Variants in KIF26B observed in about 807,000 individuals in gnomAD.
KIF26B encodes kinesin family member 26B.
A neutral mutation model predicts 151.2 loss-of-function variants in KIF26B; 63 were observed. That is an observed-to-expected ratio of 0.42 (90% CI 0.34 to 0.51). The LOEUF (loss-of-function observed/expected upper bound fraction) is 0.51. Ranked by LOEUF, KIF26B falls within the 20% of genes least tolerant of loss-of-function variation. The probability of loss-of-function intolerance (pLI) is 0.07; values close to 1 mark genes in which losing one functional copy is unlikely to be tolerated. For missense variants in KIF26B, 2,813 were observed against 2,913.6 expected (o/e 0.97, Z 0.79); for synonymous variants, 1,357 against 1,262.1 (o/e 1.08, Z -1.59).
intron 5 of KIF26B, among the ~76,000 whole-genome samples, chr1:245,581,612 A>C (rs1286026908): frequency 6.6e-6 from 1 of 152,184 alleles, no homozygotes; most frequent in Non-Finnish European, 1.5e-5. Flanking sequence ...AAGAGTCTAC[A>C]ACCACAGCCT....
chr1:245,677,126 C>A (rs565023078), intron 10 of KIF26B, among the ~76,000 whole-genome samples: 1 of 152,180 alleles, frequency 6.6e-6, no homozygotes, highest in African/African-American at 2.4e-5. Flanking sequence ...TGCCAACCAG[C>A]GGTCTCAGGA....
intron 2 of KIF26B, among the ~76,000 whole-genome samples, chr1:245,232,240 A>G (rs1573723198): frequency 6.6e-6 from 1 of 152,368 alleles, no homozygotes; most frequent in African/African-American, 2.4e-5. Context: ...TTTGTAAAGC[A>G]AGAGAAGGGA....
chr1:245,390,656 A>C (rs1202837395), intron 3 of KIF26B, among the ~76,000 whole-genome samples: 1 of 152,176 alleles, frequency 6.6e-6, no homozygotes. Flanking sequence ...ATACATTTTT[A>C]CTTGAAGGAA....
chr1:245,432,541 T>G lies in KIF26B; in HGVS notation c.1166+12796T>G, dbSNP rs141177339. Among the ~76,000 whole-genome samples, 15 of 152,354 alleles carry G rather than the reference T, an allele frequency of 9.8e-5. No homozygotes were observed. The East Asian group carries it at 2.9e-3, about 29-fold the overall frequency. On this transcript the variant is annotated intron_variant, in intron 4 of 14. Coordinates refer to ENST00000407071, the MANE Select transcript of KIF26B (RefSeq NM_018012.4). ...TAGGGCTCTCCATCTTTTTCCTGTC[T>G]CGCTGAAAACCCATCTTTTCTTCCC...
chr1:245,199,843 CCACCCA>C (rs1558342676), intron 2 of KIF26B, among the ~76,000 whole-genome samples: 1 of 2,398 alleles, frequency 4.2e-4, no homozygotes, highest in East Asian at 4.9e-3. Flanking sequence ...ATCCATCCAT[CCACCCA>C]TCCACTTGTT....
intron 2 of KIF26B, among the ~76,000 whole-genome samples, chr1:245,361,283 A>G (rs1672812466): frequency 6.6e-6 from 1 of 152,212 alleles, no homozygotes; most frequent in African/African-American, 2.4e-5. Context: ...TCCCTGCAGT[A>G]ATCCAGAGCA....
In KIF26B at chr1:245,227,321, T is replaced by C. The variant is rs1336111054; in HGVS notation, c.465+70638T>C. ...TTCAAGTCTATAATGTTGCTAAAAT[T>C]AGCAGTGTAACAAAACTTCCCATGT... On this transcript the variant is annotated intron_variant, in intron 2 of 14. Transcript: ENST00000407071. The surrounding 1 kb of genome is among the most constrained non-coding windows in gnomAD (Gnocchi z 4.1). 6.6e-6 allele frequency among the ~76,000 whole-genome samples: 1 copy of C among 152,192 alleles called. No homozygotes were observed. The highest frequency in any genetic ancestry group is 2.4e-5 in the African/African-American group (1 of 41,454).
In KIF26B at chr1:245,638,367, A is replaced by G. The variant is rs573565907; in HGVS notation, c.2099-7754A>G. Among the ~76,000 whole-genome samples, 6 of 152,038 alleles carry G rather than the reference A, an allele frequency of 3.9e-5. No homozygotes were observed. In the South Asian group the frequency reaches 1.2e-3, roughly 31 times the overall value. On this transcript the variant is annotated intron_variant, in intron 9 of 14. Transcript: ENST00000407071. ...TTTATTAAACTCATTTATCAGTTCT[A>G]AAAGTTTTTTGGTGGAATCTTTAGA... is the stretch of plus-strand genomic sequence containing the variant.
chr1:245,408,570 G>C (rs1674195674), intron 3 of KIF26B, among the ~76,000 whole-genome samples: 1 of 152,028 alleles, frequency 6.6e-6, no homozygotes, highest in Non-Finnish European at 1.5e-5. Flanking sequence ...GGTCAGGCTG[G>C]TCTTGAACTC....
At chr1:245,430,544 G>A (rs1025611143) in intron 4 of KIF26B, among the ~76,000 whole-genome samples, 1 of 152,102 alleles carries the variant, frequency 6.6e-6, no homozygotes, top group East Asian at 1.9e-4. Context: ...GCACATACCT[G>A]TAATCCTAGC....
intron 2 of KIF26B, among the ~76,000 whole-genome samples, chr1:245,193,333 G>A (rs75371814): frequency 0.1 from 15,793 of 152,204 alleles, 865 homozygotes; most frequent in South Asian, 0.2. Flanking sequence ...TAGTGCTGCA[G>A]TGAACATACG....
chr1:245,590,946 G>C (rs1365851309), intron 5 of KIF26B, among the ~76,000 whole-genome samples: 1 of 151,582 alleles, frequency 6.6e-6, no homozygotes, highest in Non-Finnish European at 1.5e-5. Context: ...ATGACGTTGG[G>C]CAAGTGTGGT....
intron 2 of KIF26B, among the ~76,000 whole-genome samples, chr1:245,212,824 C>T (rs1573711689): frequency 6.6e-6 from 1 of 152,254 alleles, no homozygotes; most frequent in South Asian, 2.1e-4. Flanking sequence ...ACTTAAGGAG[C>T]ACTTCATACC....
At chr1:245,263,026 A>C (rs1670676025) in intron 2 of KIF26B, among the ~76,000 whole-genome samples, 1 of 152,248 alleles carries the variant, frequency 6.6e-6, no homozygotes, top group Non-Finnish European at 1.5e-5. Context: ...TGTTATTACC[A>C]TCATCCTTGT....
intron 2 of KIF26B, among the ~76,000 whole-genome samples, chr1:245,224,046 A>G (rs1669825952): frequency 6.6e-6 from 1 of 152,126 alleles, no homozygotes; most frequent in African/African-American, 2.4e-5. Flanking sequence ...GCACTTTGGG[A>G]GGCTGAGGCG....
At chr1:245,527,710 T>G (rs1269118657) in intron 4 of KIF26B, among the ~76,000 whole-genome samples, 1 of 151,628 alleles carries the variant, frequency 6.6e-6, no homozygotes, top group Non-Finnish European at 1.5e-5. Flanking sequence ...ATTTTTTGTA[T>G]TTTTAGTAGA....
intron 5 of KIF26B, among the ~76,000 whole-genome samples, chr1:245,599,770 T>G (rs776723539): frequency 6.6e-6 from 1 of 152,112 alleles, no homozygotes; most frequent in African/African-American, 2.4e-5. Flanking sequence ...GCTGTGTAAC[T>G]GGGGCAGATC....
At chr1:245,435,426 A>G (rs1658894033) in intron 4 of KIF26B, among the ~76,000 whole-genome samples, 1 of 152,132 alleles carries the variant, frequency 6.6e-6, no homozygotes, top group Admixed American at 6.6e-5. Flanking sequence ...GCTTTCCAGC[A>G]CCTATTATTA....
chr1:245,328,159 G>A (rs1015544021), intron 2 of KIF26B, among the ~76,000 whole-genome samples: 5 of 151,492 alleles, frequency 3.3e-5, no homozygotes, highest in Admixed American at 6.6e-5. Context: ...AGGAGAGGGC[G>A]GGAGAGAGAC....
Sources: allele counts gnomAD v4.1 joint callset (sites outside exome capture counted in the v4.1 genomes callset), GRCh38; gene constraint gnomAD v4.1.1; non-coding constraint Gnocchi (gnomAD v3.1); transcripts MANE v1.5; gene names NCBI Gene and HGNC (gene_info 2026-07-23, HGNC 2026-07-21).